Variants in CSTF3 observed in about 807,000 individuals in gnomAD.
CSTF3 encodes the protein cleavage stimulation factor subunit 3, also known as CF-1 77 kDa subunit.
CSTF3 carries 29 observed loss-of-function variants against 105.8 expected under a neutral mutation model. The ratio of observed to expected loss-of-function variants is 0.27; its 90% CI spans 0.20 to 0.37. CSTF3 has a LOEUF of 0.37. CSTF3 is among the 10% of genes least tolerant of loss of function. The pLI, the probability that CSTF3 is intolerant of heterozygous loss-of-function variation, is 1.00. For missense variants in CSTF3, 357 were observed against 879.3 expected, an observed-to-expected ratio of 0.41 and a Z score of 7.51; for synonymous variants, 252 against 281.9, an observed-to-expected ratio of 0.89 and a Z score of 1.06.
chr11:33,108,071 A>T, intron 4 of CSTF3, 71 bp from the exon 5 acceptor site: 2 of 937,510 alleles, frequency 2.1e-6, no homozygotes, highest in Non-Finnish European at 3.1e-6. Context: ...GAAATGGAAC[A>T]TTAAAAACAC....
intron 16 of CSTF3, 90 bp downstream of exon 16, chr11:33,092,181 A>T: frequency 2.5e-6 from 2 of 786,578 alleles, no homozygotes; most frequent in Non-Finnish European, 2.0e-6. Flanking sequence ...CTTGAAACTC[A>T]TACTCAAGCA....
In CSTF3 at chr11:33,099,157, G is replaced by A; in HGVS notation, c.937-7C>T. On this transcript the variant is annotated splice_polypyrimidine_tract_variant and splice_region_variant and intron_variant, in intron 11 of 20. Coordinates refer to ENST00000323959, the MANE Select transcript of CSTF3 (RefSeq NM_001326.3). This position sits in a 1 kb window ranked among gnomAD's most constrained non-coding sequence, Gnocchi z 4.1. ...ATTTGGCATTATTCATATCCTGGTA[G>A]AAAAAAAAGAAAGCTCATCTTCAAT... is the stretch of plus-strand genomic sequence containing the variant. 1 of 1,566,940 alleles carries A rather than the reference G, an allele frequency of 6.4e-7. No homozygotes were observed. The highest frequency in any genetic ancestry group is 8.6e-7 in the Non-Finnish European group (1 of 1,168,254).
intron 1 of CSTF3, 56 bp downstream of exon 1, chr11:33,161,243 G>T: frequency 6.2e-7 from 1 of 1,602,728 alleles, no homozygotes; most frequent in Non-Finnish European, 8.5e-7. Context: ...GGAGCAGTCG[G>T]AGGAACAGAC....
intron 1 of CSTF3, among the ~76,000 whole-genome samples, chr11:33,155,313 G>A (rs1332988714): frequency 2.0e-5 from 3 of 151,264 alleles, no homozygotes; most frequent in Non-Finnish European, 4.4e-5. Context: ...GCAGCGAGCC[G>A]TGATTGCGCC....
intron 17 of CSTF3, among the ~76,000 whole-genome samples, chr11:33,089,172 C>A (rs1855139870): frequency 2.6e-5 from 4 of 151,884 alleles, no homozygotes; most frequent in Non-Finnish European, 5.9e-5. Context: ...CATGGTGAAA[C>A]CCCATCTCCA....
intron 17 of CSTF3, among the ~76,000 whole-genome samples, chr11:33,089,255 G>A (rs1395313829): frequency 2.6e-5 from 4 of 151,310 alleles, no homozygotes; most frequent in Non-Finnish European, 5.9e-5. Flanking sequence ...GGCTGAACAG[G>A]AGATCACCTG....
chr11:33,100,542 A>C (rs1475924875), intron 10 of CSTF3, among the ~76,000 whole-genome samples: 1 of 152,070 alleles, frequency 6.6e-6, no homozygotes, highest in Non-Finnish European at 1.5e-5. Context: ...GGGAATGTGG[A>C]AGGCACGGTG....
intron 9 of CSTF3, 98 bp from the exon 10 acceptor site, chr11:33,102,437 A>G (rs955379470): frequency 4.6e-5 from 48 of 1,041,708 alleles, no homozygotes; most frequent in African/African-American, 1.9e-4. Flanking sequence ...CAAGATGCCT[A>G]CTTTTTCCAA....
intron 1 of CSTF3, among the ~76,000 whole-genome samples, chr11:33,148,786 A>G (rs1415215079): frequency 1.3e-5 from 2 of 151,858 alleles, no homozygotes; most frequent in African/African-American, 2.4e-5. Flanking sequence ...GCCTTTTCTC[A>G]GAATAATATT....
In CSTF3 at chr11:33,106,096, AT is replaced by A. The variant is rs1415124502; in HGVS notation, c.357-33del. 30 of 1,566,330 alleles carry A rather than the reference AT, an allele frequency of 1.9e-5. No individual in the cohort carries two copies. In the East Asian group the frequency reaches 5.2e-4, roughly 27 times the overall value. ...TGAACATGAAAGACGTGGTTTTTAA[AT>A]TTTTTTGTTATTAAAATTTATCTAC... On this transcript the variant is annotated intron_variant, in intron 5 of 20. Transcript: ENST00000323959.
chr11:33,105,791 T>C (rs1855320352), intron 7 of CSTF3, 92 bp downstream of exon 7: 5 of 1,516,542 alleles, frequency 3.3e-6, no homozygotes, highest in Non-Finnish European at 3.6e-6. Flanking sequence ...AACAACTCTA[T>C]GGAAAATAGT....
At chr11:33,129,665 A>G (rs953496688) in intron 3 of CSTF3, among the ~76,000 whole-genome samples, 3 of 152,250 alleles carry the variant, frequency 2.0e-5, no homozygotes, top group African/African-American at 7.2e-5. Flanking sequence ...ATACAAAATT[A>G]CTTTCCAAGG....
chr11:33,132,582 GCTAATCT>G (rs951713623), intron 3 of CSTF3, among the ~76,000 whole-genome samples: 3 of 152,034 alleles, frequency 2.0e-5, no homozygotes, highest in Non-Finnish European at 4.4e-5. Flanking sequence ...TTATTTAAAT[GCTAATCT>G]CCTAACTATT....
At chr11:33,150,055 C>CAAA (rs993122929) in intron 1 of CSTF3, among the ~76,000 whole-genome samples, 1 of 148,208 alleles carries the variant, frequency 6.7e-6, no homozygotes, top group East Asian at 2.0e-4. Context: ...ACAACAACAA[C>CAAA]AAAACAAAAA....
intron 3 of CSTF3, among the ~76,000 whole-genome samples, chr11:33,114,715 G>A (rs545884273): frequency 6.6e-6 from 1 of 152,196 alleles, no homozygotes; most frequent in East Asian, 1.9e-4. Flanking sequence ...GCTGGGCATG[G>A]TGGCAAGCGC....
chr11:33,106,951 G>A (rs1278253880), intron 5 of CSTF3, among the ~76,000 whole-genome samples: 1 of 151,980 alleles, frequency 6.6e-6, no homozygotes, highest in Non-Finnish European at 1.5e-5. Context: ...GGTACATTAG[G>A]GAAAAAGAAC....
intron 3 of CSTF3, among the ~76,000 whole-genome samples, chr11:33,112,324 G>C (rs1855387786): frequency 6.6e-6 from 1 of 151,760 alleles, no homozygotes; most frequent in African/African-American, 2.4e-5. Flanking sequence ...AAAAGAATTT[G>C]ATCACATTGC....
In CSTF3 at chr11:33,106,077, T is replaced by C. The variant is rs375755179; in HGVS notation, c.357-13A>G. The C allele has an allele frequency of 1.9e-6, 3 of 1,605,142 alleles. No homozygotes were observed. Among genetic ancestry groups the C allele is most frequent in the Non-Finnish European group, 2.6e-6 (3 of 1,174,096 alleles). ...AGCCATTTTTTCTCTGAAATGAACA[T>C]GAAAGACGTGGTTTTTAAATTTTTT... On this transcript the variant is annotated splice_polypyrimidine_tract_variant and intron_variant, in intron 5 of 20. Coordinates refer to ENST00000323959, the MANE Select transcript of CSTF3 (RefSeq NM_001326.3).
chr11:33,148,628 A>T (rs1471048299), intron 1 of CSTF3, among the ~76,000 whole-genome samples: 1 of 151,848 alleles, frequency 6.6e-6, no homozygotes, highest in Non-Finnish European at 1.5e-5. Context: ...CCTGGGAAGC[A>T]GAGGTTGCAG....
Sources: gnomAD v4.1 joint callset for allele counts (sites outside exome capture counted in the v4.1 genomes callset) on GRCh38, gnomAD v4.1.1 for gene constraint, Gnocchi (gnomAD v3.1) non-coding constraint, MANE v1.5 for transcripts, NCBI Gene and HGNC (gene_info 2026-07-23, HGNC 2026-07-21) for gene names.